The following ERAL1 variants were observed in gnomAD, a reference collection of about 807,000 sequenced individuals.
ERAL1 encodes the protein GTPase Era, mitochondrial.
In ERAL1, 36 loss-of-function variants were observed where a neutral mutation model predicts 53.6. The observed-to-expected ratio is 0.67, with a 90% CI of 0.51 to 0.89. The LOEUF is 0.89. ERAL1 is among the 40% of genes least tolerant of loss of function. The pLI is 0.00. For synonymous variants in ERAL1, 215 were observed against 211.8 expected (o/e 1.02, Z -0.13); for missense variants, 512 against 537.5 (o/e 0.95, Z 0.47).
rs546879552 is a variant in ERAL1, at chr17:28,855,971, G to A, written c.284-293G>A. On this transcript the variant is annotated intron_variant, in intron 1 of 9. Coordinates refer to ENST00000254928, the MANE Select transcript of ERAL1 (RefSeq NM_005702.4). ...TACATGCAGTAATTATTAAGTGCCAGGTATTGTGCTGAGTTGTTTTACACA... is the reference window on the plus strand; with the variant it reads ...TACATGCAGTAATTATTAAGTGCCAAGTATTGTGCTGAGTTGTTTTACACA... Among the ~76,000 whole-genome samples the A allele has an allele frequency of 3.3e-5, 5 of 152,230 alleles. No homozygotes were observed. In the South Asian group the frequency reaches 1.0e-3, roughly 32 times the overall value.
In ERAL1 at chr17:28,858,959, CACAGCAAT is replaced by C; in HGVS notation, c.961-2_966del. The C allele has an allele frequency of 2.5e-6, 4 of 1,613,958 alleles. No individual in the cohort carries two copies. The highest frequency in any genetic ancestry group is 3.4e-6 in the Non-Finnish European group (4 of 1,180,024). Reference sequence around the variant, plus strand: ...GATGCCCATCTATTCCCTCTGTTCCCACAGCAATACCTTCTGACACAGGCCCAGCCAGG... The same window carrying C: ...GATGCCCATCTATTCCCTCTGTTCCCACCTTCTGACACAGGCCCAGCCAGG... On this transcript the variant is annotated splice_acceptor_variant and splice_polypyrimidine_tract_variant and coding_sequence_variant and intron_variant, in exon 8 of 10. Coordinates refer to ENST00000254928, the MANE Select transcript of ERAL1 (RefSeq NM_005702.4). LOFTEE classifies it high-confidence loss of function.
intron 8 of ERAL1, 43 bp from the exon 9 acceptor site, chr17:28,859,160 T>G: frequency 4.3e-6 from 7 of 1,613,612 alleles, no homozygotes; most frequent in Non-Finnish European, 5.9e-6. Flanking sequence ...CACACACCTC[T>G]ACCCAGGTGT....
chr17:28,860,319 C>A, intron 9 of ERAL1, 112 bp from the exon 10 acceptor site: 1 of 1,293,738 alleles, frequency 7.7e-7, no homozygotes, highest in Non-Finnish European at 1.1e-6. Context: ...GTTACCCAGG[C>A]TGGACTCAAA....
rs954424200 is a variant in ERAL1, at chr17:28,858,637, T to C, written c.773T>C (p.Val258Ala). The change falls in exon 7 of 10, where the codon GTG becomes GCG. Residue 258 changes from valine (V) to alanine (A), a missense_variant. Val to Ala is a moderately conservative substitution (Grantham distance 64, BLOSUM62 0). Transcript: ENST00000254928. ...LELTAALTEG[V>A]VNGKKLKMRQ... Reference sequence around the variant, plus strand: ...CTCACGGCAGCCCTCACTGAAGGTGTGGTCAATGGCAAAAAGCTCAAGATG... The same window carrying C: ...CTCACGGCAGCCCTCACTGAAGGTGCGGTCAATGGCAAAAAGCTCAAGATG... 1.7e-5 allele frequency: 28 copies of C among 1,614,146 alleles called. 1 individual carries two copies. Among genetic ancestry groups the C allele is most frequent in the Non-Finnish European group, 2.3e-5 (27 of 1,180,020 alleles).
At position 28,855,333 on chromosome 17, in the gene ERAL1, A is replaced by G. The variant is rs1438063617; in HGVS notation, c.283+16A>G. The stretch of plus-strand genomic sequence containing the variant: ...ATGAACAGAGGTAAAGCGCCCTGAT[A>G]GGTTTGCTCGGAACTGTCATGTTTT... On this transcript the variant is annotated intron_variant, in intron 1 of 9. Coordinates refer to ENST00000254928, the MANE Select transcript of ERAL1 (RefSeq NM_005702.4). 1 of 1,555,324 alleles carries G rather than the reference A, an allele frequency of 6.4e-7. No homozygotes were observed. The highest frequency in any genetic ancestry group is 1.4e-5 in the African/African-American group (1 of 72,758).
In ERAL1 at chr17:28,860,196, C is replaced by T. The variant is rs144164310; in HGVS notation, c.1192-235C>T. Among the ~76,000 whole-genome samples the T allele has an allele frequency of 8.6e-3, 1,315 of 152,228 alleles. 15 individuals are homozygous for T. The highest frequency in any genetic ancestry group is 0.027 in the African/African-American group (1,137 of 41,552). ...TTCACCATGTTGGCCAGGCTGGTCTCGAACTCCTGACCTCAGGTGATCTGC... is the reference window on the plus strand; with the variant it reads ...TTCACCATGTTGGCCAGGCTGGTCTTGAACTCCTGACCTCAGGTGATCTGC... On this transcript the variant is annotated intron_variant, in intron 9 of 9. Coordinates refer to ENST00000254928, the MANE Select transcript of ERAL1 (RefSeq NM_005702.4).
chr17:28,860,405 C>T (rs1156582065), intron 9 of ERAL1, 26 bp from the exon 10 acceptor site: 5 of 1,609,578 alleles, frequency 3.1e-6, no homozygotes, highest in Non-Finnish European at 4.2e-6. Context: ...TCATTCCTGG[C>T]TTCCTTCTCT....
rs2039298881 is a variant in ERAL1, at chr17:28,860,786, C to T, written c.*233C>T. On this transcript the variant is annotated 3_prime_UTR_variant, in exon 10 of 10. Transcript: ENST00000254928. ...CAGGTGGTTCCTCTGCCTGGCACCA[C>T]AGCTACAAAGGTGTAGCTAAGAAGA... 5.4e-6 allele frequency: 2 copies of T among 368,050 alleles called. No homozygotes were observed. Among genetic ancestry groups the T allele is most frequent in the Non-Finnish European group, 9.6e-6 (2 of 207,918 alleles). 22.8% of individuals were successfully genotyped at this position (368,050 alleles called of 1,614,324 possible).
At position 28,855,095 on chromosome 17, in the gene ERAL1, G is replaced by C; in HGVS notation, c.61G>C (p.Val21Leu). ...LVQSVLRVWQ[V>L]GPHVARERVI... ...TCAATCGGTGTTAAGAGTCTGGCAGGTGGGCCCTCATGTCGCGAGGGAGCG... is the reference window on the plus strand; with the variant it reads ...TCAATCGGTGTTAAGAGTCTGGCAGCTGGGCCCTCATGTCGCGAGGGAGCG... The change falls in exon 1 of 10, where the codon GTG becomes CTG. Residue 21 changes from valine to leucine, a missense_variant. Physicochemically the swap from Val to Leu is conservative, Grantham distance 32. Transcript: ENST00000254928. 1 of 1,614,222 alleles carries C rather than the reference G, an allele frequency of 6.2e-7. No homozygotes were observed. The highest frequency in any genetic ancestry group is 8.5e-7 in the Non-Finnish European group (1 of 1,180,020).
Position 28,857,952 on chromosome 17 carries a change from C to A in ERAL1, c.503C>A (p.Thr168Lys), listed in dbSNP as rs2039262212. 6.2e-7 allele frequency: 1 copy of A among 1,614,128 alleles called. No homozygotes were observed. The highest frequency in any genetic ancestry group is 8.5e-7 in the Non-Finnish European group (1 of 1,180,034). The change falls in exon 4 of 10, where the codon ACA (threonine) becomes AAA (lysine). Residue 168 changes from threonine (T) to lysine (K), a missense_variant. Coordinates refer to ENST00000254928, the MANE Select transcript of ERAL1 (RefSeq NM_005702.4). ...EKETQVILLD[T>K]PGIISPGKQK... is the part of the protein sequence containing the mutation. Reference sequence around the variant, plus strand: ...TCCTGATTTTAGATTCTACTTGACACACCTGGCATTATCAGTCCTGGTAAA... The same window carrying A: ...TCCTGATTTTAGATTCTACTTGACAAACCTGGCATTATCAGTCCTGGTAAA...
At chr17:28,856,146 A>G in intron 1 of ERAL1, 118 bp from the exon 2 acceptor site, 2 of 1,193,900 alleles carry the variant, frequency 1.7e-6, no homozygotes, top group Non-Finnish European at 1.2e-6. Flanking sequence ...GCTCTAGGTG[A>G]CTTCAACCTG....
At chr17:28,859,938 A>G (rs1269138374) in intron 9 of ERAL1, among the ~76,000 whole-genome samples, 1 of 151,336 alleles carries the variant, frequency 6.6e-6, no homozygotes, top group Non-Finnish European at 1.5e-5. Context: ...TGGGATTAAT[A>G]TGCGTGAGCC....
At chr17:28,859,144 A>G (rs1407549570) in intron 8 of ERAL1, 31 bp downstream of exon 8, 4 of 1,614,182 alleles carry the variant, frequency 2.5e-6, no homozygotes, top group African/African-American at 1.3e-5. Flanking sequence ...GGGGCTCTCT[A>G]TCAGACACAC....
At chr17:28,858,925 T>G (rs1185440730) in intron 7 of ERAL1, 39 bp from the exon 8 acceptor site, 1 of 1,612,860 alleles carries the variant, frequency 6.2e-7, no homozygotes, top group Non-Finnish European at 8.5e-7. Flanking sequence ...AAGTCCTGGT[T>G]GGGATTAAGA....
At position 28,855,172 on chromosome 17, in the gene ERAL1, C is replaced by T; in HGVS notation, c.138C>T (p.Cys46=). 1 of 1,614,226 alleles carries T rather than the reference C, an allele frequency of 6.2e-7. No individual in the cohort carries two copies. Among genetic ancestry groups the T allele is most frequent in the Non-Finnish European group, 8.5e-7 (1 of 1,180,038 alleles). The change falls in exon 1 of 10, where the codon TGC becomes TGT. Residue 46 remains cysteine (C), a synonymous_variant. Coordinates refer to ENST00000254928, the MANE Select transcript of ERAL1 (RefSeq NM_005702.4). ...LLGFQRRCVS[C]VAGSAFSGPR... ...GCTTCCAACGGAGGTGCGTGTCCTG[C>T]GTCGCGGGGTCCGCTTTCTCTGGTC... is the stretch of plus-strand genomic sequence containing the variant.
chr17:28,860,596 C>A lies in ERAL1; in HGVS notation c.*43C>A, dbSNP rs755608107. The A allele has an allele frequency of 6.4e-7, 1 of 1,550,902 alleles. No homozygotes were observed. The highest frequency in any genetic ancestry group is 1.2e-5 in the South Asian group (1 of 80,988). On this transcript the variant is annotated 3_prime_UTR_variant, in exon 10 of 10. Transcript: ENST00000254928. ...TCCCAGGGCATTCCAGCTCAAGCTGCTGGCAGGAACTGACCAGTTCTGTCC... is the reference window on the plus strand; with the variant it reads ...TCCCAGGGCATTCCAGCTCAAGCTGATGGCAGGAACTGACCAGTTCTGTCC...
At chr17:28,855,352 A>G (rs370775060) in intron 1 of ERAL1, 35 bp downstream of exon 1, 4 of 1,526,756 alleles carry the variant, frequency 2.6e-6, no homozygotes, top group Non-Finnish European at 3.5e-6. Context: ...CGGAACTGTC[A>G]TGTTTTTAGT....
intron 7 of ERAL1, 34 bp from the exon 8 acceptor site, chr17:28,858,930 T>C (rs761277916): frequency 2.5e-6 from 4 of 1,613,134 alleles, no homozygotes. Context: ...CTGGTTGGGA[T>C]TAAGATGCCC....
Position 28,859,008 on chromosome 17 carries a change from C to G in ERAL1, c.1005C>G (p.His335Gln). Residue 335 changes from histidine (H) to glutamine (Q), a missense_variant, in exon 8 of 10, where the codon CAC becomes CAG. Transcript: ENST00000254928. ...TQAQPGPWEYHSAVLTSQTPE... is the reference protein window; with the variant it reads ...TQAQPGPWEYQSAVLTSQTPE... Reference sequence around the variant, plus strand: ...CCCAGCCAGGGCCCTGGGAGTACCACAGTGCAGTCCTCACTAGCCAGACAC... The same window carrying G: ...CCCAGCCAGGGCCCTGGGAGTACCAGAGTGCAGTCCTCACTAGCCAGACAC... 1 of 1,614,234 alleles carries G rather than the reference C, an allele frequency of 6.2e-7. No individual in the cohort carries two copies. Among genetic ancestry groups the G allele is most frequent in the Non-Finnish European group, 8.5e-7 (1 of 1,180,042 alleles).
Sources: gnomAD v4.1 joint callset for allele counts (sites outside exome capture counted in the v4.1 genomes callset) on GRCh38, gnomAD v4.1.1 for gene constraint, MANE v1.5 for transcripts, NCBI Gene and HGNC (gene_info 2026-07-23, HGNC 2026-07-21) for gene names.